The following SLC38A8 variants were observed in gnomAD, a reference collection of about 807,000 sequenced individuals.
SLC38A8 encodes amino acid transporter SLC38A8.
In SLC38A8, 65 loss-of-function variants were observed where a neutral mutation model predicts 46.0. The ratio of observed to expected loss-of-function variants is 1.41; its 90% CI spans 1.16 to 1.74. The LOEUF is 1.74. Ranked by LOEUF, SLC38A8 falls within the 40% of genes most tolerant of loss-of-function variation. The pLI is 0.00. For synonymous variants in SLC38A8, 447 were observed against 243.7 expected, an observed-to-expected ratio of 1.83 and a Z score of -7.77; for missense variants, 998 against 567.9, an observed-to-expected ratio of 1.76 and a Z score of -7.70.
At chr16:84,039,758 A>C (rs2085346927) in intron 2 of SLC38A8, among the ~76,000 whole-genome samples, 1 of 92,558 alleles carries the variant, frequency 1.1e-5, no homozygotes, top group East Asian at 2.3e-4. Flanking sequence ...AAAAAAAAAA[A>C]AAAAAAAAAA....
At chr16:84,032,050 C>A in intron 4 of SLC38A8, 82 bp from the exon 5 acceptor site, 1 of 1,195,836 alleles carries the variant, frequency 8.4e-7, no homozygotes, top group Non-Finnish European at 1.2e-6. Context: ...GATCTGAATC[C>A]CAGCTCCGCC....
intron 6 of SLC38A8, among the ~76,000 whole-genome samples, chr16:84,024,025 G>A (rs2085128812): frequency 6.6e-6 from 1 of 152,358 alleles, no homozygotes; most frequent in South Asian, 2.1e-4. Context: ...GTTAACTCTT[G>A]GCAGCCGCCC....
At chr16:84,013,854 G>A (rs2084988745) in intron 9 of SLC38A8, among the ~76,000 whole-genome samples, 1 of 151,866 alleles carries the variant, frequency 6.6e-6, no homozygotes, top group Non-Finnish European at 1.5e-5. Flanking sequence ...ACAGGAAATA[G>A]CCAGCGCTAC....
rs180894044 is a variant in SLC38A8 at position 84,020,274 on chromosome 16, G to C, written c.805+2501C>G. The stretch of plus-strand genomic sequence containing the variant: ...TCCCTCCTCCTCAGCCTCCTGAGTA[G>C]CTGGAACTACAGGCTCACACCACTA... On this transcript the variant is annotated intron_variant, in intron 7 of 10. Transcript: ENST00000299709. Among the ~76,000 whole-genome samples the C allele has an allele frequency of 2.8e-4, 42 of 152,084 alleles. 1 individual carries two copies. In the East Asian group the frequency reaches 5.4e-3, roughly 20 times the overall value.
Position 84,017,163 on chromosome 16 carries a change from G to T in SLC38A8, c.930C>A (p.Tyr310Ter), listed in dbSNP as rs763615950. The change falls in exon 8 of 11, where the codon TAC becomes TAA. Residue 310 changes from tyrosine to a stop codon, truncating the protein, a stop_gained. Transcript: ENST00000299709. LOFTEE classifies it high-confidence loss of function. Reference protein sequence around the residue: ...VLFAVSIVTVYPIVLFLGRSV... With the variant: ...VLFAVSIVTV The stretch of plus-strand genomic sequence containing the variant: ...ACCTCCCCAGGAAGAGCACGATGGG[G>T]TAGACAGTTACGATGGAGACAGCAA... 8 of 1,614,154 alleles carry T rather than the reference G, an allele frequency of 5.0e-6. No homozygotes were observed. The highest frequency in any genetic ancestry group is 3.3e-5 in the Admixed American group (2 of 60,026).
At chr16:84,032,605 C>T (rs113133390) in intron 4 of SLC38A8, among the ~76,000 whole-genome samples, 1,868 of 152,360 alleles carry the variant, frequency 0.012, 34 homozygotes, top group African/African-American at 0.043. Flanking sequence ...CGCCAGCAGG[C>T]TCGCTCACAC....
intron 7 of SLC38A8, among the ~76,000 whole-genome samples, chr16:84,020,477 G>C (rs2151116659): frequency 6.6e-6 from 1 of 152,308 alleles, no homozygotes; most frequent in Non-Finnish European, 1.5e-5. Flanking sequence ...TCTGGGTGGA[G>C]GCTGCCAAGC....
intron 3 of SLC38A8, among the ~76,000 whole-genome samples, 189 bp from the exon 4 acceptor site, chr16:84,033,658 G>A (rs1466273236): frequency 1.3e-5 from 2 of 152,174 alleles, no homozygotes; most frequent in African/African-American, 4.8e-5. Context: ...CCTGACACAT[G>A]AATTCATTCA....
At chr16:84,027,387 ACAC>A (rs1218633224) in intron 6 of SLC38A8, among the ~76,000 whole-genome samples, 265 of 136,978 alleles carry the variant, frequency 1.9e-3, no homozygotes, top group African/African-American at 9.4e-3. Flanking sequence ...AAACAAACAA[ACAC>A]ACACTAGAAG....
At position 84,029,646 on chromosome 16, in the gene SLC38A8, T is replaced by C. The variant is rs2085214417; in HGVS notation, c.633-95A>G. On this transcript the variant is annotated intron_variant, in intron 5 of 10. Coordinates refer to ENST00000299709, the MANE Select transcript of SLC38A8 (RefSeq NM_001080442.3). ...TGAATTTTAAAGGATGCTGGGAAAA[T>C]GTAACAGAGCATGGCTGCAAGATGT... is the stretch of plus-strand genomic sequence containing the variant. 7.3e-6 allele frequency: 9 copies of C among 1,233,456 alleles called. No individual in the cohort carries two copies. The South Asian group carries it at 8.9e-5, about 12-fold the overall frequency. 76.4% of individuals were successfully genotyped at this position (1,233,456 alleles called of 1,614,324 possible).
rs547013164 is a variant in SLC38A8, at chr16:84,041,656, G to A, written c.189+313C>T. Among the ~76,000 whole-genome samples, 3 of 152,316 alleles carry A rather than the reference G, an allele frequency of 2.0e-5. No individual in the cohort carries two copies. The East Asian group carries it at 5.8e-4, about 29-fold the overall frequency. The stretch of plus-strand genomic sequence containing the variant: ...TAAGACCAGCAGGCAAGAAAGAGCA[G>A]CTGGCCAGGCAGGGCGCCCAGAGAG... On this transcript the variant is annotated intron_variant, in intron 2 of 10. Transcript: ENST00000299709.
At chr16:84,041,052 G>C (rs936367429) in intron 2 of SLC38A8, 1 of 152,272 alleles carries the variant, frequency 6.6e-6, no homozygotes, top group East Asian at 1.9e-4. Flanking sequence ...AGAAAAAGCC[G>C]GCCAAAGAGC....
At chr16:84,037,471 G>C (rs1262495721) in intron 2 of SLC38A8, among the ~76,000 whole-genome samples, 2 of 152,178 alleles carry the variant, frequency 1.3e-5, no homozygotes, top group African/African-American at 4.8e-5. Context: ...CTCAAGAAAT[G>C]GTGTTCCGGC....
At chr16:84,013,424 G>GTTTTTTTTTTTTTTT (rs1221293803) in intron 9 of SLC38A8, among the ~76,000 whole-genome samples, 1 of 64,046 alleles carries the variant, frequency 1.6e-5, no homozygotes, top group Non-Finnish European at 2.6e-5. Flanking sequence ...TTGTGTGTGT[G>GTTTTTTTTTTTTTTT]TTTTTTTTTT....
chr16:84,035,040 A>G (rs959007751), intron 3 of SLC38A8, among the ~76,000 whole-genome samples: 6 of 152,146 alleles, frequency 3.9e-5, no homozygotes, highest in African/African-American at 1.4e-4. Flanking sequence ...GCATCCCCAA[A>G]TATCTAACCA....
chr16:84,037,256 G>T (rs753512979), intron 2 of SLC38A8, among the ~76,000 whole-genome samples: 1 of 152,228 alleles, frequency 6.6e-6, no homozygotes, highest in African/African-American at 2.4e-5. Context: ...GGCAGTAGGC[G>T]TGGTGGCTTG....
chr16:84,017,890 G>A (rs1347932068), intron 7 of SLC38A8, among the ~76,000 whole-genome samples: 1 of 152,180 alleles, frequency 6.6e-6, no homozygotes, highest in East Asian at 1.9e-4. Flanking sequence ...GACCCTGGCA[G>A]TGGGAACATG....
chr16:84,029,122 G>A (rs568478389), intron 6 of SLC38A8, among the ~76,000 whole-genome samples: 1 of 152,168 alleles, frequency 6.6e-6, no homozygotes, highest in African/African-American at 2.4e-5. Context: ...GCCAGAGTTA[G>A]GTGGGCAGCT....
intron 2 of SLC38A8, among the ~76,000 whole-genome samples, chr16:84,040,500 A>C (rs76424764): frequency 0.057 from 8,672 of 152,242 alleles, 370 homozygotes; most frequent in Non-Finnish European, 0.087. Context: ...GTGCTTGTGG[A>C]ACAGGGTTCC....
Sources: gnomAD v4.1 joint callset for allele counts (sites outside exome capture counted in the v4.1 genomes callset) on GRCh38, gnomAD v4.1.1 for gene constraint, MANE v1.5 for transcripts, NCBI Gene and HGNC (gene_info 2026-07-23, HGNC 2026-07-21) for gene names.